Variants in INO80D observed in about 807,000 individuals in gnomAD.
INO80D encodes the protein INO80 complex subunit D.
INO80D carries 21 observed loss-of-function variants against 87.6 expected under a neutral mutation model. That is an observed-to-expected ratio of 0.24 (90% CI 0.17 to 0.35). The LOEUF (loss-of-function observed/expected upper bound fraction) is 0.35, where lower values mean the gene tolerates loss of function less well. Among genes scored for constraint, INO80D ranks in the 10% least tolerant of loss-of-function variants. The pLI is 1.00. For missense variants in INO80D, 982 were observed against 1,280.7 expected, an observed-to-expected ratio of 0.77 and a Z score of 3.56; for synonymous variants, 440 against 491.0, an observed-to-expected ratio of 0.90 and a Z score of 1.37.
intron 1 of INO80D, among the ~76,000 whole-genome samples, chr2:206,076,856 G>C (rs138086034): frequency 1.1e-3 from 169 of 152,272 alleles, no homozygotes; most frequent in Non-Finnish European, 2.0e-3. Context: ...AGTTATTTAG[G>C]CTTCAGTCTT....
At chr2:206,075,712 A>G (rs1480932349) in intron 1 of INO80D, among the ~76,000 whole-genome samples, 1 of 151,110 alleles carries the variant, frequency 6.6e-6, no homozygotes, top group Non-Finnish European at 1.5e-5. Flanking sequence ...TGCTGGGATT[A>G]CAGGAATGAG....
At chr2:206,059,559 A>C (rs1057315982) in intron 3 of INO80D, among the ~76,000 whole-genome samples, 3 of 152,200 alleles carry the variant, frequency 2.0e-5, no homozygotes, top group Admixed American at 2.0e-4. Flanking sequence ...CAGATTCACC[A>C]AATAATCAGA....
At chr2:206,021,963 C>T (rs1235617012) in intron 6 of INO80D, among the ~76,000 whole-genome samples, 1 of 152,160 alleles carries the variant, frequency 6.6e-6, no homozygotes, top group Non-Finnish European at 1.5e-5. Context: ...CAGCTATCTT[C>T]AAAGACTAGT....
Position 206,056,779 on chromosome 2 carries a change from C to G in INO80D, c.383G>C (p.Gly128Ala), listed in dbSNP as rs202127822. The change falls in exon 4 of 11, where the codon GGA (glycine) becomes GCA (alanine). Residue 128 changes from glycine to alanine, a missense_variant. Transcript: ENST00000403263. ...LALKMPNGLDGMSLSPPGARV... is the reference protein window; with the variant it reads ...LALKMPNGLDAMSLSPPGARV... ...TGCCCCAGGTGGAGAGAGGGACATT[C>G]CATCCAGTCCGTTGGGCATCTTCAA... The G allele has an allele frequency of 7.6e-5, 122 of 1,612,738 alleles. No homozygotes were observed. The African/African-American group carries it at 1.2e-3, about 16-fold the overall frequency.
intron 2 of INO80D, 37 bp downstream of exon 2, chr2:206,063,114 G>T: frequency 2.5e-6 from 2 of 810,170 alleles, no homozygotes; most frequent in Admixed American, 2.6e-5. Flanking sequence ...TTTAAGTTGA[G>T]AATTTCACTG....
chr2:206,083,946 G>T (rs950099257), intron 1 of INO80D, among the ~76,000 whole-genome samples: 1 of 151,798 alleles, frequency 6.6e-6, no homozygotes, highest in Non-Finnish European at 1.5e-5. Flanking sequence ...GACTGGCAGT[G>T]GGGGGTGGCA....
rs189542351 is a variant in INO80D at position 206,009,856 on chromosome 2, T to C, written c.1543-62A>G. ...ATCTGGGATAAACCTGACAGCTACC[T>C]AAAAAATACTTACATCCCTTAATAT... On this transcript the variant is annotated intron_variant, in intron 8 of 10. Coordinates refer to ENST00000403263, the MANE Select transcript of INO80D (RefSeq NM_017759.5). 470 of 1,322,508 alleles carry C rather than the reference T, an allele frequency of 3.6e-4. 1 individual carries two copies. In the African/African-American group the frequency reaches 6.4e-3, roughly 18 times the overall value. The allele number at this position is 1,322,508 out of a possible 1,614,324, so 81.9% of individuals were successfully genotyped here.
chr2:206,078,910 T>A (rs749264543), intron 1 of INO80D, among the ~76,000 whole-genome samples: 1 of 152,058 alleles, frequency 6.6e-6, no homozygotes, highest in African/African-American at 2.4e-5. Flanking sequence ...CACTGCACTC[T>A]AGGCTGGGCA....
intron 5 of INO80D, among the ~76,000 whole-genome samples, chr2:206,044,195 G>T (rs187140925): frequency 6.6e-6 from 1 of 151,988 alleles, no homozygotes; most frequent in Admixed American, 6.6e-5. Flanking sequence ...TCGTCTCAAA[G>T]AATTAATTAA....
chr2:206,004,357 C>T lies in INO80D; in HGVS notation c.*11G>A. 1.3e-6 allele frequency: 2 copies of T among 1,578,240 alleles called. No homozygotes were observed. Among genetic ancestry groups the T allele is most frequent in the Non-Finnish European group, 1.7e-6 (2 of 1,161,404 alleles). ...TGGGTTCCCCACCTGCCTGCAAACACACAGACACCCTCAGTTAGGGGAGGG... is the reference window on the plus strand; with the variant it reads ...TGGGTTCCCCACCTGCCTGCAAACATACAGACACCCTCAGTTAGGGGAGGG... On this transcript the variant is annotated 3_prime_UTR_variant, in exon 11 of 11. Coordinates refer to ENST00000403263, the MANE Select transcript of INO80D (RefSeq NM_017759.5). This position sits in a 1 kb window ranked among gnomAD's most constrained non-coding sequence, Gnocchi z 4.9.
At chr2:206,006,113 C>G (rs368498018) in intron 10 of INO80D, among the ~76,000 whole-genome samples, 2 of 152,276 alleles carry the variant, frequency 1.3e-5, no homozygotes, top group South Asian at 4.1e-4. Context: ...TCCCCTCATC[C>G]TCTTCCCATT....
chr2:206,059,989 A>C (rs1689643068), intron 3 of INO80D, among the ~76,000 whole-genome samples: 1 of 152,144 alleles, frequency 6.6e-6, no homozygotes, highest in Non-Finnish European at 1.5e-5. Flanking sequence ...CGATTGCTTG[A>C]AGCCTGGAGT....
At chr2:206,064,915 C>A (rs1689774097) in intron 1 of INO80D, among the ~76,000 whole-genome samples, 1 of 151,866 alleles carries the variant, frequency 6.6e-6, no homozygotes, top group African/African-American at 2.4e-5. Flanking sequence ...AAATTAATCA[C>A]ACATTAATGT....
intron 1 of INO80D, among the ~76,000 whole-genome samples, chr2:206,074,864 A>G (rs1169340289): frequency 6.6e-6 from 1 of 151,804 alleles, no homozygotes; most frequent in African/African-American, 2.4e-5. Flanking sequence ...GCTTAAACCC[A>G]GGAGGCAGAG....
intron 1 of INO80D, among the ~76,000 whole-genome samples, chr2:206,073,038 A>G (rs1690017176): frequency 6.6e-6 from 1 of 152,054 alleles, no homozygotes; most frequent in Non-Finnish European, 1.5e-5. Flanking sequence ...GAGTCTCACT[A>G]CATTGCCCAG....
chr2:206,055,505 G>C (rs1021827086), intron 4 of INO80D, among the ~76,000 whole-genome samples: 1 of 152,144 alleles, frequency 6.6e-6, no homozygotes, highest in Admixed American at 6.5e-5. Context: ...ACAATGCTAT[G>C]ATCATTCCTA....
intron 8 of INO80D, among the ~76,000 whole-genome samples, chr2:206,013,992 C>T (rs1273137893): frequency 6.6e-6 from 1 of 151,678 alleles, no homozygotes; most frequent in African/African-American, 2.4e-5. Context: ...AACGCTTTCT[C>T]TACTAAAAAA....
rs767733857 is a variant in INO80D at position 206,028,290 on chromosome 2, T to C, written c.1119A>G (p.Gln373=). The C allele has an allele frequency of 1.9e-6, 3 of 1,611,274 alleles. No individual in the cohort carries two copies. Among genetic ancestry groups the C allele is most frequent in the East Asian group, 4.5e-5 (2 of 44,816 alleles). Residue 373 remains glutamine (Q), a synonymous_variant, in exon 6 of 11, where the codon CAA becomes CAG. Coordinates refer to ENST00000403263, the MANE Select transcript of INO80D (RefSeq NM_017759.5). ...DAESRSSRVT[Q]LCTYFQQKYK... ...ATTTCTGCTGAAAGTAAGTGCAAAG[T>C]TGAGTCACCCTGGAGCTCCTACTCT...
In INO80D at chr2:206,046,420, A is replaced by G. The variant is rs1395560145; in HGVS notation, c.1073+84T>C. On this transcript the variant is annotated intron_variant, in intron 5 of 10. Coordinates refer to ENST00000403263, the MANE Select transcript of INO80D (RefSeq NM_017759.5). The stretch of plus-strand genomic sequence containing the variant: ...TCAGGCTTGGTGGCAGTAAGCTGAG[A>G]TCACACCACTGCACTCCAGCCTGGG... 3 of 909,484 alleles carry G rather than the reference A, an allele frequency of 3.3e-6. No homozygotes were observed. In the African/African-American group the frequency reaches 4.9e-5, roughly 15 times the overall value. 56.3% of individuals were successfully genotyped at this position (909,484 alleles called of 1,614,324 possible). A position where few individuals can be genotyped will look rare whatever the true frequency, so the allele number is the denominator to read the frequency against.
Sources: gnomAD v4.1 joint callset for allele counts (sites outside exome capture counted in the v4.1 genomes callset) on GRCh38, gnomAD v4.1.1 for gene constraint, Gnocchi (gnomAD v3.1) non-coding constraint, MANE v1.5 for transcripts, NCBI Gene and HGNC (gene_info 2026-07-23, HGNC 2026-07-21) for gene names.